Variants in ICA1 observed in about 807,000 individuals in gnomAD.
ICA1 encodes 69 kDa islet cell autoantigen.
In ICA1, 40 loss-of-function variants were observed where a neutral mutation model predicts 71.0. That is an observed-to-expected ratio of 0.56 (90% CI 0.44 to 0.73). The LOEUF (loss-of-function observed/expected upper bound fraction) is 0.73, where lower values mean the gene tolerates loss of function less well. Among genes scored for constraint, ICA1 ranks in the 30% least tolerant of loss-of-function variants. ICA1 has a pLI of 0.00. For missense variants in ICA1, 578 were observed against 576.5 expected (o/e 1.00, Z -0.03); for synonymous variants, 207 against 209.5 (o/e 0.99, Z 0.10).
At chr7:8,128,484 C>G (rs1276184306) in intron 12 of ICA1, among the ~76,000 whole-genome samples, 1 of 152,166 alleles carries the variant, frequency 6.6e-6, no homozygotes, top group African/African-American at 2.4e-5. Context: ...ATCTTAGTTC[C>G]TTGTTTGCAT....
At chr7:8,238,947 G>A (rs1802773885) in intron 1 of ICA1, among the ~76,000 whole-genome samples, 1 of 152,196 alleles carries the variant, frequency 6.6e-6, no homozygotes, top group Admixed American at 6.5e-5. Flanking sequence ...AATAGGCTTT[G>A]CAAGTCATTC....
intron 1 of ICA1, among the ~76,000 whole-genome samples, chr7:8,248,323 C>T (rs3807813): frequency 0.32 from 48,030 of 150,526 alleles, 8,096 homozygotes; most frequent in East Asian, 0.47. Flanking sequence ...TTGTCATTTT[C>T]CTCTTTAGTT....
chr7:8,221,203 C>G, intron 5 of ICA1, 72 bp downstream of exon 5: 1 of 1,586,256 alleles, frequency 6.3e-7, no homozygotes, highest in Non-Finnish European at 8.6e-7. Context: ...TGTGAGATTC[C>G]CTTTCGTGAG....
At chr7:8,245,833 T>A (rs1386788704) in intron 1 of ICA1, among the ~76,000 whole-genome samples, 3 of 152,198 alleles carry the variant, frequency 2.0e-5, no homozygotes, top group Admixed American at 6.5e-5. Flanking sequence ...GGATACCATA[T>A]TGAACAGTAC....
In ICA1 at chr7:8,214,550, C is replaced by G. The variant is rs139800960; in HGVS notation, c.579+3755G>C. On this transcript the variant is annotated intron_variant, in intron 6 of 13. Coordinates refer to ENST00000402384, the MANE Select transcript of ICA1 (RefSeq NM_001136020.3). ...ATGTGCAGCCACACTCTCCAGGTAT[C>G]CCGTCCCTCATGGTCATATTGACAA... is the stretch of plus-strand genomic sequence containing the variant. 2.1e-3 allele frequency among the ~76,000 whole-genome samples: 327 copies of G among 152,300 alleles called. 1 individual carries two copies. Among genetic ancestry groups the G allele is most frequent in the Non-Finnish European group, 1.5e-3 (100 of 68,032 alleles).
At chr7:8,241,828 C>T (rs1464883313) in intron 1 of ICA1, among the ~76,000 whole-genome samples, 7 of 152,186 alleles carry the variant, frequency 4.6e-5, no homozygotes, top group African/African-American at 1.7e-4. Flanking sequence ...AAGGCCATTA[C>T]ATAATGGTAA....
chr7:8,235,954 T>C lies in ICA1; in HGVS notation c.-28A>G, dbSNP rs185053019. 220 of 1,611,498 alleles carry C rather than the reference T, an allele frequency of 1.4e-4. No homozygotes were observed. In the African/African-American group the frequency reaches 2.5e-3, roughly 19 times the overall value. ...TTTCTTCTTCTTCTATTGTTGATGA[T>C]TTGGGGAGAAGGGGCAGGAAAAAAG... On this transcript the variant is annotated 5_prime_UTR_variant, in exon 2 of 14. Transcript: ENST00000402384.
intron 6 of ICA1, among the ~76,000 whole-genome samples, chr7:8,165,363 C>T (rs987233623): frequency 6.6e-6 from 1 of 152,208 alleles, no homozygotes; most frequent in African/African-American, 2.4e-5. Context: ...GTGTGGGCAG[C>T]CAACAGTAGA....
intron 1 of ICA1, among the ~76,000 whole-genome samples, chr7:8,258,724 G>A (rs1437657738): frequency 6.6e-6 from 1 of 152,144 alleles, no homozygotes; most frequent in Non-Finnish European, 1.5e-5. Flanking sequence ...AGTTATTTGT[G>A]AAAATTACTT....
intron 1 of ICA1, among the ~76,000 whole-genome samples, chr7:8,258,083 T>A (rs951077217): frequency 4.6e-5 from 7 of 152,160 alleles, no homozygotes; most frequent in African/African-American, 1.7e-4. Context: ...TTCTCTGCCC[T>A]TTCTCCTGTT....
chr7:8,217,584 G>A (rs758016507), intron 6 of ICA1, among the ~76,000 whole-genome samples: 1 of 152,066 alleles, frequency 6.6e-6, no homozygotes, highest in African/African-American at 2.4e-5. Flanking sequence ...ATATCCAGGC[G>A]ACCAAACAAA....
chr7:8,114,211 G>C (rs1476595226), intron 13 of ICA1, 167 bp from the exon 14 acceptor site: 1 of 710,444 alleles, frequency 1.4e-6, no homozygotes, highest in East Asian at 2.8e-5. Flanking sequence ...CCCGTGGCTG[G>C]TTGGCCAGTT....
intron 6 of ICA1, among the ~76,000 whole-genome samples, chr7:8,166,618 A>C (rs576896932): frequency 5.3e-4 from 80 of 152,332 alleles, no homozygotes; most frequent in African/African-American, 1.9e-3. Flanking sequence ...AAAGCAATTT[A>C]ACAAAAGCAA....
chr7:8,196,791 A>G (rs767187931), intron 6 of ICA1, among the ~76,000 whole-genome samples: 9 of 152,150 alleles, frequency 5.9e-5, no homozygotes, highest in Non-Finnish European at 1.2e-4. Flanking sequence ...TAGTAATTCA[A>G]TTATCACAGG....
chr7:8,254,249 C>T (rs1809244605), intron 1 of ICA1, among the ~76,000 whole-genome samples: 1 of 152,012 alleles, frequency 6.6e-6, no homozygotes, highest in Non-Finnish European at 1.5e-5. Context: ...TGCACGGGTC[C>T]TGTAAACAAA....
chr7:8,230,508 C>T (rs1048251598), intron 3 of ICA1, among the ~76,000 whole-genome samples: 1 of 152,176 alleles, frequency 6.6e-6, no homozygotes, highest in Non-Finnish European at 1.5e-5. Context: ...CTATCATGTG[C>T]TAAATTATTT....
intron 1 of ICA1, among the ~76,000 whole-genome samples, chr7:8,242,894 T>C (rs1183119825): frequency 1.3e-5 from 2 of 152,046 alleles, no homozygotes; most frequent in Non-Finnish European, 2.9e-5. Flanking sequence ...AATAGACCAA[T>C]AACAGGCTCT....
intron 6 of ICA1, among the ~76,000 whole-genome samples, chr7:8,208,754 C>G (rs560994491): frequency 6.6e-6 from 1 of 152,200 alleles, no homozygotes; most frequent in South Asian, 2.1e-4. Context: ...CAGGAGCTAC[C>G]AAAAAGAGAC....
rs1189275374 is a variant in ICA1, at chr7:8,232,589, C to T, written c.183+1G>A. The stretch of plus-strand genomic sequence containing the variant: ...GGGGCTGACAGCAATAAAGAGCTCA[C>T]CTCTAGCTTGGCATCCAGGTCCGCG... On this transcript the variant is annotated splice_donor_variant, in intron 3 of 13. Transcript: ENST00000402384. LOFTEE classifies it high-confidence loss of function. The T allele has an allele frequency of 6.2e-7, 1 of 1,608,056 alleles. No homozygotes were observed. Among genetic ancestry groups the T allele is most frequent in the African/African-American group, 1.3e-5 (1 of 74,822 alleles).
Sources: allele counts gnomAD v4.1 joint callset (sites outside exome capture counted in the v4.1 genomes callset), GRCh38; gene constraint gnomAD v4.1.1; transcripts MANE v1.5; gene names NCBI Gene and HGNC (gene_info 2026-07-23, HGNC 2026-07-21).